Variants in GLIS3 observed in about 807,000 individuals in gnomAD.
The protein encoded by GLIS3 is GLIS family zinc finger 3.
Under a neutral mutation model 78.6 loss-of-function variants are expected in GLIS3, and 53 were observed. The ratio of observed to expected loss-of-function variants is 0.67; its 90% CI spans 0.54 to 0.85. The LOEUF (loss-of-function observed/expected upper bound fraction) is 0.85. GLIS3 is among the 40% of genes least tolerant of loss of function. The pLI is 0.00. For missense variants in GLIS3, 1,703 were observed against 1,231.1 expected, an observed-to-expected ratio of 1.38 and a Z score of -5.74; for synonymous variants, 684 against 509.9, an observed-to-expected ratio of 1.34 and a Z score of -4.60.
At chr9:3,923,781 T>TA (rs1206202627) in intron 6 of GLIS3, among the ~76,000 whole-genome samples, 1 of 152,170 alleles carries the variant, frequency 6.6e-6, no homozygotes, top group Non-Finnish European at 1.5e-5. Context: ...AGGATGCATA[T>TA]AATGCTGATG....
At chr9:4,186,612 C>T (rs975439234) in intron 2 of GLIS3, among the ~76,000 whole-genome samples, 27 of 151,312 alleles carry the variant, frequency 1.8e-4, no homozygotes, top group Admixed American at 1.2e-3. Flanking sequence ...TACAGTCCCA[C>T]CAACAGTGTA....
chr9:4,248,005 TC>T (rs1823963388), intron 2 of GLIS3, among the ~76,000 whole-genome samples: 1 of 152,180 alleles, frequency 6.6e-6, no homozygotes, highest in Admixed American at 6.5e-5. Context: ...TAGCTGAAAC[TC>T]TGTACCCTTG....
chr9:4,087,520 G>C (rs1416272764), intron 4 of GLIS3, among the ~76,000 whole-genome samples: 2 of 152,234 alleles, frequency 1.3e-5, no homozygotes, highest in Middle Eastern at 6.8e-3. Flanking sequence ...CCCAACTAGA[G>C]TCTTTAGTGC....
intron 2 of GLIS3, among the ~76,000 whole-genome samples, chr9:4,266,356 C>T (rs1320479601): frequency 6.6e-6 from 1 of 152,164 alleles, no homozygotes; most frequent in Non-Finnish European, 1.5e-5. Context: ...ATGGACCCCT[C>T]TCAGTCTGAC....
intron 2 of GLIS3, among the ~76,000 whole-genome samples, chr9:4,241,903 C>G (rs1823356123): frequency 1.3e-5 from 2 of 152,180 alleles, no homozygotes; most frequent in Non-Finnish European, 2.9e-5. Flanking sequence ...AGGCTGTTCT[C>G]AAGCTCCTGG....
chr9:4,222,028 T>C (rs75604578), intron 2 of GLIS3, among the ~76,000 whole-genome samples: 2,971 of 152,310 alleles, frequency 0.02, 104 homozygotes, highest in African/African-American at 0.063. Flanking sequence ...CTTTGGCTCT[T>C]GAGTTGAAGT....
upstream of GLIS3, among the ~76,000 whole-genome samples, chr9:4,350,693 C>T (rs1442609832): frequency 1.3e-5 from 2 of 152,164 alleles, no homozygotes; most frequent in South Asian, 2.1e-4. Flanking sequence ...AAGTAATATC[C>T]TCCTTCATTC....
At chr9:4,489,529 G>C in the GLIS3 span, among the ~76,000 whole-genome samples, 1 of 152,208 alleles carries the variant, frequency 6.6e-6, no homozygotes, top group African/African-American at 2.4e-5. Flanking sequence ...TAAAGGGAGG[G>C]AAAGAGATTG....
chr9:4,158,216 T>C lies in GLIS3; in HGVS notation c.389-32275A>G, dbSNP rs1357148500. ...TATGTTTCATAAGCTCCTTTCTCCATTACATCAATTCTGAGTTTCTCTTTA... is the reference window on the plus strand; with the variant it reads ...TATGTTTCATAAGCTCCTTTCTCCACTACATCAATTCTGAGTTTCTCTTTA... On this transcript the variant is annotated intron_variant, in intron 2 of 10. Transcript: ENST00000381971. 3.3e-5 allele frequency among the ~76,000 whole-genome samples: 5 copies of C among 152,238 alleles called. No homozygotes were observed. In the South Asian group the frequency reaches 6.2e-4, roughly 19 times the overall value.
At chr9:4,405,643 G>A in the GLIS3 span, among the ~76,000 whole-genome samples, 1 of 151,926 alleles carries the variant, frequency 6.6e-6, no homozygotes, top group Non-Finnish European at 1.5e-5. Context: ...ACACTACCAA[G>A]CATTTAAAGA....
intron 4 of GLIS3, among the ~76,000 whole-genome samples, chr9:4,059,700 C>G (rs1209424623): frequency 6.6e-6 from 1 of 152,084 alleles, no homozygotes; most frequent in Non-Finnish European, 1.5e-5. Context: ...TTTCTTCTCA[C>G]TCTGACAATG....
At chr9:3,856,716 A>C (rs553620435) in intron 8 of GLIS3, among the ~76,000 whole-genome samples, 8 of 152,350 alleles carry the variant, frequency 5.3e-5, no homozygotes, top group African/African-American at 1.7e-4. Context: ...GCCAAGAATG[A>C]ATTAACTTAA....
intron 2 of GLIS3, among the ~76,000 whole-genome samples, chr9:4,195,430 C>T (rs1241928586): frequency 6.6e-6 from 1 of 152,224 alleles, no homozygotes; most frequent in Non-Finnish European, 1.5e-5. Context: ...CAGTGAGGGG[C>T]TTAGCACCCG....
At chr9:4,075,246 A>G (rs1372656990) in intron 4 of GLIS3, among the ~76,000 whole-genome samples, 1 of 152,118 alleles carries the variant, frequency 6.6e-6, no homozygotes, top group African/African-American at 2.4e-5. Context: ...ATTAGATGTC[A>G]GTAAGATTTA....
chr9:3,842,376 G>A (rs556271523), intron 9 of GLIS3, among the ~76,000 whole-genome samples: 6 of 152,266 alleles, frequency 3.9e-5, no homozygotes, highest in Admixed American at 1.3e-4. Context: ...GCAGGCTGAC[G>A]CAGAAGAATT....
At chr9:4,098,911 T>C (rs1241132193) in intron 4 of GLIS3, among the ~76,000 whole-genome samples, 1 of 152,176 alleles carries the variant, frequency 6.6e-6, no homozygotes, top group African/African-American at 2.4e-5. Context: ...GGTCTCAATG[T>C]GTTGATCCCA....
intron 4 of GLIS3, among the ~76,000 whole-genome samples, chr9:4,080,895 C>T (rs537052104): frequency 1.5e-3 from 227 of 152,338 alleles, no homozygotes; most frequent in Non-Finnish European, 2.4e-3. Flanking sequence ...ACAACCTTCA[C>T]ACCCCCTTCA....
intron 6 of GLIS3, among the ~76,000 whole-genome samples, chr9:3,919,580 A>C (rs910192438): frequency 6.6e-6 from 1 of 151,986 alleles, no homozygotes; most frequent in African/African-American, 2.4e-5. Flanking sequence ...ACAAACCCTC[A>C]TGACACAAGT....
intron 2 of GLIS3, among the ~76,000 whole-genome samples, chr9:4,195,418 G>A (rs1818732085): frequency 6.6e-6 from 1 of 152,220 alleles, no homozygotes; most frequent in Non-Finnish European, 1.5e-5. Context: ...ACCGGCCCCA[G>A]ACAGTGAGGG....
Sources: gnomAD v4.1 joint callset for allele counts (sites outside exome capture counted in the v4.1 genomes callset) on GRCh38, gnomAD v4.1.1 for gene constraint, MANE v1.5 for transcripts, NCBI Gene and HGNC (gene_info 2026-07-23, HGNC 2026-07-21) for gene names.